Variants in IL33 observed in about 807,000 individuals in gnomAD.
IL33 encodes the protein interleukin-33.
A neutral mutation model predicts 27.3 loss-of-function variants in IL33; 37 were observed. That is an observed-to-expected ratio of 1.36 (90% CI 1.04 to 1.78). IL33 has a LOEUF of 1.78. Among genes scored for constraint, IL33 ranks in the 40% most tolerant of loss-of-function variants. The probability of loss-of-function intolerance (pLI) is 0.00; values close to 1 mark genes in which losing one functional copy is unlikely to be tolerated. For synonymous variants in IL33, 132 were observed against 102.9 expected (o/e 1.28, Z -1.71); for missense variants, 406 against 311.4 (o/e 1.30, Z -2.29).
chr9:6,228,151 T>C (rs1251363513), intron 1 of IL33, among the ~76,000 whole-genome samples: 1 of 152,176 alleles, frequency 6.6e-6, no homozygotes, highest in East Asian at 1.9e-4. Flanking sequence ...AAGGGCTAAT[T>C]GTAAAAAATA....
rs749588287 is a variant in IL33 at position 6,256,128 on chromosome 9, T to C, written c.773T>C (p.Leu258Ser). The change falls in exon 8 of 8, where the codon TTG becomes TCG. Residue 258 changes from leucine (L) to serine (S), a missense_variant. Leu to Ser is a moderately radical substitution (Grantham distance 145). Transcript: ENST00000682010. ...ALIKVDSSEN[L>S]CTENILFKLS... is the part of the protein sequence containing the mutation. ...ATTAAAGTAGACTCTTCTGAGAATTTGTGTACTGAAAATATCTTGTTTAAG... is the reference window on the plus strand; with the variant it reads ...ATTAAAGTAGACTCTTCTGAGAATTCGTGTACTGAAAATATCTTGTTTAAG... The C allele has an allele frequency of 1.4e-5, 23 of 1,613,406 alleles. No homozygotes were observed. Among genetic ancestry groups the C allele is most frequent in the Non-Finnish European group, 1.9e-5 (22 of 1,179,592 alleles).
intron 1 of IL33, among the ~76,000 whole-genome samples, chr9:6,235,940 A>T (rs1015174025): frequency 2.0e-5 from 3 of 151,868 alleles, no homozygotes; most frequent in Non-Finnish European, 4.4e-5. Context: ...CAATTCCACT[A>T]CTAGGAGTTT....
In IL33 at chr9:6,254,523, G is replaced by C; in HGVS notation, c.582G>C (p.Leu194Phe). The C allele has an allele frequency of 6.3e-7, 1 of 1,592,268 alleles. No individual in the cohort carries two copies. The highest frequency in any genetic ancestry group is 8.6e-7 in the Non-Finnish European group (1 of 1,167,068). Residue 194 changes from leucine (L) to phenylalanine (F), a missense_variant, in exon 7 of 8, where the codon TTG becomes TTC. Transcript: ENST00000682010. ...TGAGTCCTACAAAAGACTTCTGGTT[G>C]CATGCCAACAACAAGGAACACTCTG... ...VTLSPTKDFW[L>F]HANNKEHSVE...
At position 6,242,136 on chromosome 9, in the gene IL33, T is replaced by C. The variant is rs142406963; in HGVS notation, c.91+351T>C. The C allele has an allele frequency of 1.4e-3, 228 of 161,132 alleles. 2 individuals carry two copies. Among genetic ancestry groups the C allele is most frequent in the African/African-American group, 5.2e-3 (216 of 41,774 alleles). 10.0% of individuals were successfully genotyped at this position (161,132 alleles called of 1,614,324 possible). ...TTTTCCCTGATAAACTAGCAAACTT[T>C]TAAGCAGGTCCACTTTTATTCAACA... On this transcript the variant is annotated intron_variant, in intron 2 of 7. Coordinates refer to ENST00000682010, the MANE Select transcript of IL33 (RefSeq NM_033439.4).
chr9:6,247,885 G>C (rs1819957034), intron 2 of IL33, among the ~76,000 whole-genome samples: 1 of 151,688 alleles, frequency 6.6e-6, no homozygotes, highest in African/African-American at 2.4e-5. Context: ...TGTCCTACTA[G>C]ATGCTAGCCC....
Position 6,254,211 on chromosome 9 carries a change from G to C in IL33, c.521-251G>C, listed in dbSNP as rs190261389. 9.9e-5 allele frequency among the ~76,000 whole-genome samples: 15 copies of C among 152,250 alleles called. No homozygotes were observed. In the East Asian group the frequency reaches 2.1e-3, roughly 22 times the overall value. On this transcript the variant is annotated intron_variant, in intron 6 of 7. Coordinates refer to ENST00000682010, the MANE Select transcript of IL33 (RefSeq NM_033439.4). ...GCAGACAGGAAAGCTGATGCCCCGA[G>C]AAGTAACCATTAGGGTCACAACTCT...
chr9:6,249,693 T>C (rs543873609), intron 2 of IL33, among the ~76,000 whole-genome samples: 1 of 152,338 alleles, frequency 6.6e-6, no homozygotes, highest in Non-Finnish European at 1.5e-5. Context: ...GGTTTGATTT[T>C]AGGCACACTT....
At chr9:6,247,205 A>G (rs1044261181) in intron 2 of IL33, among the ~76,000 whole-genome samples, 1 of 152,170 alleles carries the variant, frequency 6.6e-6, no homozygotes. Flanking sequence ...CCTGAGGAAA[A>G]CCAACATTTA....
rs566807686 is a variant in IL33, at chr9:6,241,705, A to C, written c.11A>C (p.Lys4Thr). 7 of 1,606,410 alleles carry C rather than the reference A, an allele frequency of 4.4e-6. No individual in the cohort carries two copies. In the African/African-American group the frequency reaches 9.4e-5, roughly 21 times the overall value. Residue 4 changes from lysine (K) to threonine (T), a missense_variant, in exon 2 of 8, where the codon AAA (lysine) becomes ACA (threonine). By Grantham distance (78) the Lys-to-Thr change is moderately conservative. Transcript: ENST00000682010. The part of the protein sequence containing the change: MKP[K>T]MKYSTNKIST... ...ACAGAATACTGAAAAATGAAGCCTA[A>C]AATGAAGTATTCAACCAACAAAATT...
chr9:6,225,768 G>A (rs1430116895), intron 1 of IL33, among the ~76,000 whole-genome samples: 1 of 151,948 alleles, frequency 6.6e-6, no homozygotes, highest in Non-Finnish European at 1.5e-5. Flanking sequence ...TCACCCAGGG[G>A]CTAGAGTGCA....
intron 1 of IL33, among the ~76,000 whole-genome samples, chr9:6,239,794 C>G (rs189687722): frequency 6.6e-6 from 1 of 152,272 alleles, no homozygotes; most frequent in Non-Finnish European, 1.5e-5. Flanking sequence ...CCCTATTCAA[C>G]TAGCCTCACT....
At chr9:6,228,353 C>A (rs1031641475) in intron 1 of IL33, among the ~76,000 whole-genome samples, 3 of 152,114 alleles carry the variant, frequency 2.0e-5, no homozygotes, top group Non-Finnish European at 4.4e-5. Flanking sequence ...ACTCTACATG[C>A]TTTTGCTAAG....
intron 2 of IL33, among the ~76,000 whole-genome samples, chr9:6,250,186 T>A (rs1276772330): frequency 6.6e-6 from 1 of 152,224 alleles, no homozygotes; most frequent in African/African-American, 2.4e-5. Context: ...ACATAAGGTC[T>A]TTATTTCACT....
Position 6,253,562 on chromosome 9 carries a change from A to C in IL33, c.480A>C (p.Leu160Phe). The change falls in exon 6 of 8, where the codon TTA (leucine) becomes TTC (phenylalanine). Residue 160 changes from leucine (L) to phenylalanine (F), a missense_variant. By Grantham distance (22) the Leu-to-Phe change is conservative (BLOSUM62 0). Transcript: ENST00000682010. ...TGCATTCTCTTTCAGATAAGGTGTT[A>C]CTGAGTTACTATGAGTCTCAACACC... ...LKKDEKKDKV[L>F]LSYYESQHPS... The C allele has an allele frequency of 6.2e-7, 1 of 1,607,744 alleles. No homozygotes were observed. Among genetic ancestry groups the C allele is most frequent in the Non-Finnish European group, 8.5e-7 (1 of 1,175,944 alleles).
rs577983459 is a variant in IL33 at position 6,245,220 on chromosome 9, C to T, written c.91+3435C>T. Among the ~76,000 whole-genome samples, 70 of 152,198 alleles carry T rather than the reference C, an allele frequency of 4.6e-4. No homozygotes were observed. In the South Asian group the frequency reaches 0.014, roughly 31 times the overall value. On this transcript the variant is annotated intron_variant, in intron 2 of 7. Transcript: ENST00000682010. ...GCAGGAGTATTTTATTAGGATTGAA[C>T]GGTGTTATTGATATTTTCTAATTGA...
At chr9:6,225,487 G>A (rs1287806168) in intron 1 of IL33, among the ~76,000 whole-genome samples, 4 of 152,044 alleles carry the variant, frequency 2.6e-5, no homozygotes, top group Non-Finnish European at 4.4e-5. Context: ...ACCCTCCGCC[G>A]GCTCTGAGTG....
intron 2 of IL33, among the ~76,000 whole-genome samples, chr9:6,244,643 TAG>T (rs1484226576): frequency 2.6e-5 from 4 of 152,302 alleles, no homozygotes; most frequent in African/African-American, 9.6e-5. Context: ...GCAAGCAGGA[TAG>T]AGTTACTGCA....
chr9:6,231,740 A>G lies in IL33; in HGVS notation c.-11-9944A>G, dbSNP rs559736489. 7.2e-5 allele frequency among the ~76,000 whole-genome samples: 11 copies of G among 152,340 alleles called. No individual in the cohort carries two copies. In the South Asian group the frequency reaches 2.3e-3, roughly 32 times the overall value. On this transcript the variant is annotated intron_variant, in intron 1 of 7. Coordinates refer to ENST00000682010, the MANE Select transcript of IL33 (RefSeq NM_033439.4). ...TATTAATGTTTTTAGGCAGCACTCCATGCTGTAGTACAAGCAAATGCAAAT... is the reference window on the plus strand; with the variant it reads ...TATTAATGTTTTTAGGCAGCACTCCGTGCTGTAGTACAAGCAAATGCAAAT...
intron 1 of IL33, among the ~76,000 whole-genome samples, chr9:6,235,983 G>C (rs1462184099): frequency 1.4e-5 from 2 of 147,318 alleles, no homozygotes; most frequent in African/African-American, 5.0e-5. Context: ...TATTTTCAAA[G>C]AATCACAACA....
Sources: gnomAD v4.1 joint callset for allele counts (sites outside exome capture counted in the v4.1 genomes callset) on GRCh38, gnomAD v4.1.1 for gene constraint, MANE v1.5 for transcripts, NCBI Gene and HGNC (gene_info 2026-07-23, HGNC 2026-07-21) for gene names.